DLG2: variants seen among roughly 807,000 people sequenced by gnomAD.
The protein encoded by DLG2 is discs large MAGUK scaffold protein 2.
DLG2 carries 45 observed loss-of-function variants against 132.5 expected under a neutral mutation model. The ratio of observed to expected loss-of-function variants is 0.34; its 90% CI spans 0.27 to 0.44. The LOEUF is 0.44. Ranked by LOEUF, DLG2 falls within the 20% of genes least tolerant of loss-of-function variation. The pLI, the probability that DLG2 is intolerant of heterozygous loss-of-function variation, is 1.00. For synonymous variants in DLG2, 424 were observed against 419.6 expected, an observed-to-expected ratio of 1.01 and a Z score of -0.13; for missense variants, 1,045 against 1,196.9, an observed-to-expected ratio of 0.87 and a Z score of 1.87.
At chr11:85,300,108 A>T (rs2079495247) in intron 3 of DLG2, among the ~76,000 whole-genome samples, 1 of 152,190 alleles carries the variant, frequency 6.6e-6, no homozygotes, top group Non-Finnish European at 1.5e-5. Context: ...AGTGAATAAG[A>T]CAGATTAGCC....
At chr11:84,317,160 T>A in intron 7 of DLG2, 1 of 1,597,294 alleles carries the variant, frequency 6.3e-7, no homozygotes, top group Non-Finnish European at 8.5e-7. Context: ...CACTGATGCC[T>A]ACTCTTTCCT....
At chr11:84,768,684 C>A (rs1045233561) in intron 6 of DLG2, among the ~76,000 whole-genome samples, 6 of 151,838 alleles carry the variant, frequency 4.0e-5, no homozygotes, top group Admixed American at 3.9e-4. Flanking sequence ...ATCTATAAAC[C>A]CTAGGACAAA....
chr11:83,770,880 CTT>C (rs1181904517), intron 18 of DLG2, among the ~76,000 whole-genome samples: 1 of 152,064 alleles, frequency 6.6e-6, no homozygotes, highest in African/African-American at 2.4e-5. Context: ...AGAAAATCCA[CTT>C]TTTTTGCTTT....
intron 5 of DLG2, among the ~76,000 whole-genome samples, chr11:85,117,575 G>A (rs1337055257): frequency 1.4e-5 from 2 of 141,958 alleles, no homozygotes; most frequent in Admixed American, 1.5e-4. Flanking sequence ...CTCCAAACTT[G>A]GAAGGATCAA....
chr11:84,595,155 AGCACAGTGGTGT>A (rs2099553535), intron 6 of DLG2, among the ~76,000 whole-genome samples: 1 of 152,182 alleles, frequency 6.6e-6, no homozygotes, highest in Admixed American at 6.5e-5. Flanking sequence ...CTATTTCTGA[AGCACAGTGGTGT>A]GATCTCTGTT....
At chr11:84,562,352 T>A (rs1166408120) in intron 6 of DLG2, among the ~76,000 whole-genome samples, 1 of 152,060 alleles carries the variant, frequency 6.6e-6, no homozygotes, top group Non-Finnish European at 1.5e-5. Context: ...AGAAAAAAAA[T>A]TGGGAGCACT....
At chr11:84,441,893 G>A (rs7119944) in intron 7 of DLG2, among the ~76,000 whole-genome samples, 1 of 152,086 alleles carries the variant, frequency 6.6e-6, no homozygotes, top group Admixed American at 6.5e-5. Context: ...CCCATTGCTT[G>A]TTTTTGTCAG....
At chr11:84,166,207 A>T (rs929755909) in intron 8 of DLG2, among the ~76,000 whole-genome samples, 15 of 152,208 alleles carry the variant, frequency 9.9e-5, no homozygotes, top group Non-Finnish European at 1.6e-4. Flanking sequence ...AAAAGAACTA[A>T]GAATACCCCC....
rs554252507 is a variant in DLG2 at position 84,467,505 on chromosome 11, CT to C, written c.519+67064del. On this transcript the variant is annotated intron_variant, in intron 7 of 27. Transcript: ENST00000376104. ...TGAAGCGTGTAAAGGGATTTGTTTACTTTTTTTTAAACTTTTCTATACGTTT... is the reference window on the plus strand; with the variant it reads ...TGAAGCGTGTAAAGGGATTTGTTTACTTTTTTTAAACTTTTCTATACGTTT... 2.2e-3 allele frequency among the ~76,000 whole-genome samples: 330 copies of C among 151,070 alleles called. 2 individuals carry two copies. The highest frequency in any genetic ancestry group is 7.8e-3 in the African/African-American group (324 of 41,330).
At chr11:84,848,392 G>A (rs1373741145) in intron 6 of DLG2, among the ~76,000 whole-genome samples, 1 of 152,114 alleles carries the variant, frequency 6.6e-6, no homozygotes, top group Non-Finnish European at 1.5e-5. Context: ...TACTCGGGAG[G>A]CTGAGGCAGG....
intron 6 of DLG2, among the ~76,000 whole-genome samples, chr11:84,787,728 G>C (rs1026695391): frequency 6.6e-6 from 1 of 152,016 alleles, no homozygotes; most frequent in African/African-American, 2.4e-5. Flanking sequence ...ATACTTGAAG[G>C]CCCTCACCAC....
chr11:83,670,303 T>C (rs1592152004), intron 18 of DLG2, among the ~76,000 whole-genome samples: 1 of 151,618 alleles, frequency 6.6e-6, no homozygotes, highest in Admixed American at 6.6e-5. Context: ...CAGGAGAAGG[T>C]GAAAGCAGGA....
chr11:83,633,103 G>T, intron 19 of DLG2, 108 bp downstream of exon 19: 1 of 917,204 alleles, frequency 1.1e-6, no homozygotes, highest in Non-Finnish European at 1.8e-6. Flanking sequence ...GTGTACTGAT[G>T]AAAGTGGGTT....
At chr11:84,389,591 T>C (rs540273933) in intron 7 of DLG2, among the ~76,000 whole-genome samples, 164 of 152,160 alleles carry the variant, frequency 1.1e-3, no homozygotes, top group Non-Finnish European at 2.1e-3. Context: ...CATGACAATA[T>C]CTTGTTTTCA....
intron 3 of DLG2, among the ~76,000 whole-genome samples, chr11:85,569,962 A>G (rs1042921021): frequency 1.3e-5 from 2 of 152,182 alleles, no homozygotes; most frequent in African/African-American, 4.8e-5. Flanking sequence ...GGACATAAAC[A>G]AAGGGACAAT....
chr11:83,758,695 A>C (rs1201284760), intron 18 of DLG2, among the ~76,000 whole-genome samples: 2 of 152,184 alleles, frequency 1.3e-5, no homozygotes, highest in Non-Finnish European at 2.9e-5. Context: ...TGCTTAGTCC[A>C]GTGCTTGACA....
At chr11:83,641,944 A>G (rs914449705) in intron 18 of DLG2, among the ~76,000 whole-genome samples, 1 of 152,024 alleles carries the variant, frequency 6.6e-6, no homozygotes, top group Non-Finnish European at 1.5e-5. Flanking sequence ...AAAAAGAGAG[A>G]GAGATACAGA....
chr11:84,174,177 C>T (rs566660995), intron 8 of DLG2, among the ~76,000 whole-genome samples: 3 of 151,816 alleles, frequency 2.0e-5, no homozygotes, highest in South Asian at 2.1e-4. Flanking sequence ...CATATACATC[C>T]TTTACATTTG....
chr11:84,128,294 A>G (rs2094269056), intron 9 of DLG2, among the ~76,000 whole-genome samples: 1 of 152,220 alleles, frequency 6.6e-6, no homozygotes, highest in Non-Finnish European at 1.5e-5. Flanking sequence ...ATCTGCTTAT[A>G]TGAAAACATA....
Sources: gnomAD v4.1 joint callset for allele counts (sites outside exome capture counted in the v4.1 genomes callset) on GRCh38, gnomAD v4.1.1 for gene constraint, MANE v1.5 for transcripts, NCBI Gene and HGNC (gene_info 2026-07-23, HGNC 2026-07-21) for gene names.